Variants in CKAP5 observed in about 807,000 individuals in gnomAD.
CKAP5 encodes cytoskeleton-associated protein 5.
CKAP5 carries 27 observed loss-of-function variants against 232.8 expected under a neutral mutation model. That is an observed-to-expected ratio of 0.12 (90% CI 0.09 to 0.16). The LOEUF (loss-of-function observed/expected upper bound fraction) is 0.16, where lower values mean the gene tolerates loss of function less well. CKAP5 is among the 10% of genes least tolerant of loss of function. The pLI is 1.00. For synonymous variants in CKAP5, 785 were observed against 841.1 expected (o/e 0.93, Z 1.16); for missense variants, 1,838 against 2,424.7 (o/e 0.76, Z 5.08).
At chr11:46,786,482 A>T (rs924684538) in intron 16 of CKAP5, among the ~76,000 whole-genome samples, 4 of 152,236 alleles carry the variant, frequency 2.6e-5, no homozygotes, top group Non-Finnish European at 5.9e-5. Flanking sequence ...TGGCTAGCTC[A>T]GTGGGAAAAG....
chr11:46,808,055 T>C lies in CKAP5; in HGVS notation c.954A>G (p.Ala318=), dbSNP rs767961452. ...KNPKLEAGDY[A]DLVKALKKVV... ...CCTTCTTTAATGCTTTTACTAAATC[T>C]GCATAATCGCCAGCTTCCAGTTTGG... The change falls in exon 8 of 44, where the codon GCA becomes GCG. Residue 318 remains alanine (A), a synonymous_variant. Transcript: ENST00000529230. 1 of 1,613,874 alleles carries C rather than the reference T, an allele frequency of 6.2e-7. No homozygotes were observed. Among genetic ancestry groups the C allele is most frequent in the Non-Finnish European group, 8.5e-7 (1 of 1,179,806 alleles).
intron 35 of CKAP5, among the ~76,000 whole-genome samples, chr11:46,755,862 G>T (rs971999255): frequency 6.6e-6 from 1 of 152,096 alleles, no homozygotes; most frequent in African/African-American, 2.4e-5. Flanking sequence ...CCAGGAGGCG[G>T]AGGATGCAGT....
rs745456242 is a variant in CKAP5 at position 46,744,089 on chromosome 11, G to A, written c.6033C>T (p.Ser2011=). ...AGTCGTCTATGTTAGCTGTGGAGGAGGAGGAGGTCACAGTTCCTGAAGAGT... is the reference window on the plus strand; with the variant it reads ...AGTCGTCTATGTTAGCTGTGGAGGAAGAGGAGGTCACAGTTCCTGAAGAGT... The part of the protein sequence containing the change: ...QTHSSGTVTS[S]SSTANIDDLK... Residue 2011 remains serine (S), a synonymous_variant, in exon 44 of 44, where the codon TCC becomes TCT. Transcript: ENST00000529230. 6.2e-7 allele frequency: 1 copy of A among 1,613,858 alleles called. No individual in the cohort carries two copies. Among genetic ancestry groups the A allele is most frequent in the Admixed American group, 1.7e-5 (1 of 59,970 alleles).
In CKAP5 at chr11:46,778,221, T is replaced by C; in HGVS notation, c.2666A>G (p.Asn889Ser). The C allele has an allele frequency of 6.2e-7, 1 of 1,614,062 alleles. No homozygotes were observed. The highest frequency in any genetic ancestry group is 1.1e-5 in the South Asian group (1 of 91,080). The change falls in exon 22 of 44, where the codon AAT becomes AGT. Residue 889 changes from asparagine to serine, a missense_variant. Physicochemically the swap from Asn to Ser is conservative, Grantham distance 46 (BLOSUM62 1). Transcript: ENST00000529230. ...ATTCGGTTGGATAAATTTTGCGTCA[T>C]TAATAATACCTGCCACTTCATCTAG... is the stretch of plus-strand genomic sequence containing the variant. Reference protein sequence around the residue: ...EGLDEVAGIINDAKFIQPNIG... With the variant: ...EGLDEVAGIISDAKFIQPNIG...
intron 4 of CKAP5, among the ~76,000 whole-genome samples, chr11:46,813,420 A>G (rs1939319973): frequency 6.6e-6 from 1 of 152,162 alleles, no homozygotes; most frequent in Admixed American, 6.5e-5. Context: ...GAAAAAAAAG[A>G]TGGAGCAAGT....
chr11:46,784,651 A>G lies in CKAP5; in HGVS notation c.1991T>C (p.Ile664Thr), dbSNP rs2065375437. 1.2e-6 allele frequency: 2 copies of G among 1,613,936 alleles called. No homozygotes were observed. The highest frequency in any genetic ancestry group is 1.7e-6 in the Non-Finnish European group (2 of 1,179,872). The stretch of plus-strand genomic sequence containing the variant: ...TCCCTTCTGGGCAATCAAAGCAACT[A>G]TATGAAGCTTCATTTGCATCACCTG... ...NFQVMQMKLH[I>T]VALIAQKGNF... Residue 664 changes from isoleucine to threonine, a missense_variant, in exon 17 of 44, where the codon ATA becomes ACA. By Grantham distance (89) the Ile-to-Thr change is moderately conservative. Coordinates refer to ENST00000529230, the MANE Select transcript of CKAP5 (RefSeq NM_001008938.4).
chr11:46,767,891 C>CA (rs1229579058), intron 26 of CKAP5, among the ~76,000 whole-genome samples: 1 of 151,846 alleles, frequency 6.6e-6, no homozygotes, highest in African/African-American at 2.4e-5. Flanking sequence ...CTCCTGGGCT[C>CA]AATGAATTCT....
intron 1 of CKAP5, among the ~76,000 whole-genome samples, chr11:46,825,604 A>G (rs1304068579): frequency 6.6e-6 from 1 of 152,126 alleles, no homozygotes; most frequent in Non-Finnish European, 1.5e-5. Context: ...AAGAGATCTG[A>G]ATTTGATTAC....
chr11:46,820,964 AAT>A, intron 2 of CKAP5: 1 of 522,552 alleles, frequency 1.9e-6, no homozygotes, highest in South Asian at 2.6e-5. Context: ...TCACTTCACT[AAT>A]ATCTTTTCTT....
intron 16 of CKAP5, among the ~76,000 whole-genome samples, chr11:46,787,596 C>A (rs1219289370): frequency 6.6e-6 from 1 of 152,028 alleles, no homozygotes; most frequent in African/African-American, 2.4e-5. Context: ...TTAAGGACTG[C>A]ACTTATTTTT....
At chr11:46,783,199 T>A (rs2065357893) in intron 18 of CKAP5, 75 bp downstream of exon 18, 3 of 794,010 alleles carry the variant, frequency 3.8e-6, no homozygotes, top group Non-Finnish European at 6.3e-6. Flanking sequence ...CAGCAATAGC[T>A]ATTATTATAA....
chr11:46,828,497 C>T (rs1939703757), intron 1 of CKAP5, among the ~76,000 whole-genome samples: 2 of 152,282 alleles, frequency 1.3e-5, no homozygotes, highest in Admixed American at 1.3e-4. Flanking sequence ...AGGGCAAGGG[C>T]TGGAATGTAT....
At chr11:46,827,161 T>TA (rs1939677536) in intron 1 of CKAP5, among the ~76,000 whole-genome samples, 1 of 152,258 alleles carries the variant, frequency 6.6e-6, no homozygotes, top group South Asian at 2.1e-4. Context: ...ATCACAATCC[T>TA]AATCCCTCCT....
chr11:46,743,672 G>C lies in CKAP5; in HGVS notation c.*351C>G, dbSNP rs1214898896. 1.6e-5 allele frequency: 4 copies of C among 247,508 alleles called. No individual in the cohort carries two copies. The highest frequency in any genetic ancestry group is 3.2e-5 in the Non-Finnish European group (4 of 126,668). The allele number at this position is 247,508 out of a possible 1,614,324, so 15.3% of individuals were successfully genotyped here. Reference sequence around the variant, plus strand: ...AAACTGAAAGGAAAACTATTAAAGAGTTTCTAATATTAACTATTAAAAAGC... The same window carrying C: ...AAACTGAAAGGAAAACTATTAAAGACTTTCTAATATTAACTATTAAAAAGC... On this transcript the variant is annotated 3_prime_UTR_variant, in exon 44 of 44. Coordinates refer to ENST00000529230, the MANE Select transcript of CKAP5 (RefSeq NM_001008938.4).
chr11:46,840,406 T>A (rs1940024702), intron 1 of CKAP5, among the ~76,000 whole-genome samples: 1 of 152,094 alleles, frequency 6.6e-6, no homozygotes, highest in Non-Finnish European at 1.5e-5. Flanking sequence ...AATCTCAATA[T>A]CTGTTCAATG....
chr11:46,765,176 A>T lies in CKAP5; in HGVS notation c.3492T>A (p.Val1164=). ...TCATCCTTTGCTCTTTTCCATTTGG[A>T]ACAACAATAAAAATAGGCCCGGATT... ...EDKSGPIFIV[V]PNGKEQRMKD... The change falls in exon 28 of 44, where the codon GTT becomes GTA. Residue 1164 remains valine, a synonymous_variant. Coordinates refer to ENST00000529230, the MANE Select transcript of CKAP5 (RefSeq NM_001008938.4). 6.2e-7 allele frequency: 1 copy of T among 1,613,050 alleles called. No individual in the cohort carries two copies. The highest frequency in any genetic ancestry group is 2.2e-5 in the East Asian group (1 of 44,766).
At chr11:46,751,584 A>C (rs1289753785) in intron 38 of CKAP5, 50 bp from the exon 39 acceptor site, 1 of 1,441,360 alleles carries the variant, frequency 6.9e-7, no homozygotes, top group East Asian at 2.3e-5. Context: ...AATGAGGATA[A>C]TTTGTCACCA....
chr11:46,750,784 G>A lies in CKAP5; in HGVS notation c.5461-173C>T, dbSNP rs2065058295. Among the ~76,000 whole-genome samples the A allele has an allele frequency of 3.9e-5, 6 of 152,204 alleles. No homozygotes were observed. In the South Asian group the frequency reaches 1.0e-3, roughly 26 times the overall value. On this transcript the variant is annotated intron_variant, in intron 40 of 43. Coordinates refer to ENST00000529230, the MANE Select transcript of CKAP5 (RefSeq NM_001008938.4). ...TGCAGCAGAAGCACTAACATTCTGT[G>A]TTACTGAATGCCTCCAGTCTCAGAT...
intron 35 of CKAP5, among the ~76,000 whole-genome samples, chr11:46,757,019 C>T (rs2065115431): frequency 6.6e-6 from 1 of 151,286 alleles, no homozygotes. Context: ...CCCACCTCGG[C>T]CTCCCAAAGT....
Sources: gnomAD v4.1 joint callset for allele counts (sites outside exome capture counted in the v4.1 genomes callset) on GRCh38, gnomAD v4.1.1 for gene constraint, MANE v1.5 for transcripts, NCBI Gene and HGNC (gene_info 2026-07-23, HGNC 2026-07-21) for gene names.